SLC6A9: variants seen among roughly 807,000 people sequenced by gnomAD.
SLC6A9 encodes sodium- and chloride-dependent glycine transporter 1.
Under a neutral mutation model 70.9 loss-of-function variants are expected in SLC6A9, and 31 were observed. The observed-to-expected ratio is 0.44, with a 90% CI of 0.33 to 0.59. The LOEUF is 0.59. Among genes scored for constraint, SLC6A9 ranks in the 20% least tolerant of loss-of-function variants. The pLI, the probability that SLC6A9 is intolerant of heterozygous loss-of-function variation, is 0.04. For synonymous variants in SLC6A9, 310 were observed against 341.3 expected, an observed-to-expected ratio of 0.91 and a Z score of 1.01; for missense variants, 631 against 845.2, an observed-to-expected ratio of 0.75 and a Z score of 3.14.
intron 2 of SLC6A9, among the ~76,000 whole-genome samples, chr1:44,014,396 G>A (rs1405745215): frequency 6.6e-6 from 1 of 151,988 alleles, no homozygotes. Flanking sequence ...AGCCATGGAA[G>A]GAATGGAGGC....
Position 43,997,803 on chromosome 1 carries a change from C to A in SLC6A9, c.1707+52G>T. 5 of 1,587,662 alleles carry A rather than the reference C, an allele frequency of 3.1e-6. No individual in the cohort carries two copies. The highest frequency in any genetic ancestry group is 4.3e-6 in the Non-Finnish European group (5 of 1,164,234). On this transcript the variant is annotated intron_variant, in intron 13 of 13. Transcript: ENST00000372310. The surrounding 1 kb of genome is among the most constrained non-coding windows in gnomAD (Gnocchi z 4.4). ...TCAGGAGGGAGCCCTTAAGCCCCTT[C>A]CAGCTGGCCCCTCCCATTTTGCCTG...
chr1:44,023,104 ACT>A (rs2086917001), intron 2 of SLC6A9, among the ~76,000 whole-genome samples: 1 of 151,744 alleles, frequency 6.6e-6, no homozygotes, highest in Admixed American at 6.6e-5. Flanking sequence ...CAGGCCAATG[ACT>A]CTTTCACTAA....
chr1:44,026,435 G>A (rs1156636664), intron 1 of SLC6A9, among the ~76,000 whole-genome samples: 1 of 152,162 alleles, frequency 6.6e-6, no homozygotes, highest in Non-Finnish European at 1.5e-5. Flanking sequence ...GAGGCGGGCG[G>A]ATCACCTGAG....
In SLC6A9 at chr1:44,001,688, T is replaced by A. The variant is rs888564076; in HGVS notation, c.963-61A>T. ...CCCCAATTTGGGCCAAGAGGAGACA[T>A]GGAGACACGGAAAGTTCTAGGTACA... On this transcript the variant is annotated intron_variant, in intron 8 of 13. Coordinates refer to ENST00000372310, the MANE Select transcript of SLC6A9 (RefSeq NM_001024845.3). 1.1e-5 allele frequency: 15 copies of A among 1,325,444 alleles called. No homozygotes were observed. In the South Asian group the frequency reaches 1.8e-4, roughly 16 times the overall value. 82.1% of individuals were successfully genotyped at this position (1,325,444 alleles called of 1,614,324 possible). A position where few individuals can be genotyped will look rare whatever the true frequency, so the allele number is the denominator to read the frequency against.
intron 1 of SLC6A9, among the ~76,000 whole-genome samples, chr1:44,026,092 T>G (rs1306032436): frequency 6.6e-6 from 1 of 152,226 alleles, no homozygotes; most frequent in Non-Finnish European, 1.5e-5. Flanking sequence ...GAGCTTCTCT[T>G]CAGGGCAGGG....
rs1265817857 is a variant in SLC6A9 at position 44,010,746 on chromosome 1, A to G, written c.167T>C (p.Leu56Pro). 1.2e-6 allele frequency: 2 copies of G among 1,614,000 alleles called. No homozygotes were observed. Among genetic ancestry groups the G allele is most frequent in the African/African-American group, 2.7e-5 (2 of 74,914 alleles). ...GGTACCTCCCCCGTTGCGATAGCAG[A>G]GGTATGGGAAGCGCCAGACATTGCC... Reference protein sequence around the residue: ...GLGNVWRFPYLCYRNGGGAFM... With the variant: ...GLGNVWRFPYPCYRNGGGAFM... The change falls in exon 3 of 14, where the codon CTC becomes CCC. Residue 56 changes from leucine (L) to proline (P), a missense_variant. Physicochemically the swap from Leu to Pro is moderately conservative, Grantham distance 98. Transcript: ENST00000372310.
intron 2 of SLC6A9, among the ~76,000 whole-genome samples, chr1:44,023,306 G>C (rs929615515): frequency 1.3e-5 from 2 of 152,042 alleles, no homozygotes; most frequent in Non-Finnish European, 2.9e-5. Context: ...TCTTGCTTCT[G>C]GTGCTGACCT....
In SLC6A9 at chr1:44,024,448, C is replaced by T. The variant is rs1434571671; in HGVS notation, c.-85-86G>A. 8.3e-6 allele frequency: 6 copies of T among 724,436 alleles called. No homozygotes were observed. In the East Asian group the frequency reaches 1.6e-4, roughly 19 times the overall value. 44.9% of individuals were successfully genotyped at this position (724,436 alleles called of 1,614,324 possible). Reference sequence around the variant, plus strand: ...ACAGGTAGTGCCGAGCCACCCACCACCAGCCTGCCCAGGCCCTCTGCCAGG... The same window carrying T: ...ACAGGTAGTGCCGAGCCACCCACCATCAGCCTGCCCAGGCCCTCTGCCAGG... On this transcript the variant is annotated intron_variant, in intron 1 of 13. Transcript: ENST00000372310.
At chr1:44,005,669 C>G (rs1470291904) in intron 5 of SLC6A9, among the ~76,000 whole-genome samples, 1 of 152,234 alleles carries the variant, frequency 6.6e-6, no homozygotes, top group African/African-American at 2.4e-5. Context: ...TCCTTAACCT[C>G]TAAACGGCAG....
rs1311944807 is a variant in SLC6A9, at chr1:43,997,142, GCC to G, written c.*401_*402del. 1 of 218,668 alleles carries G rather than the reference GCC, an allele frequency of 4.6e-6. No homozygotes were observed. Among genetic ancestry groups the G allele is most frequent in the South Asian group, 7.5e-5 (1 of 13,376 alleles). 13.5% of individuals were successfully genotyped at this position (218,668 alleles called of 1,614,324 possible). On this transcript the variant is annotated 3_prime_UTR_variant, in exon 14 of 14. Transcript: ENST00000372310. The surrounding 1 kb of genome is among the most constrained non-coding windows in gnomAD (Gnocchi z 4.4). ...CCCCTAGGGAGGAATAGCCAAATGT[GCC>G]TGGCAGAGGCTGGGGTCGGCTCTGA...
intron 5 of SLC6A9, among the ~76,000 whole-genome samples, chr1:44,004,545 C>G (rs2086244106): frequency 1.3e-5 from 2 of 151,910 alleles, no homozygotes; most frequent in African/African-American, 4.8e-5. Flanking sequence ...ATGGTATCGC[C>G]ATATTGCCCA....
chr1:43,998,559 C>T (rs2085969094), intron 12 of SLC6A9, among the ~76,000 whole-genome samples: 1 of 152,200 alleles, frequency 6.6e-6, no homozygotes. Context: ...TCCTCCATTT[C>T]CTTCTGCAGG....
At chr1:44,010,514 C>T (rs969133932) in intron 3 of SLC6A9, 1 of 386,396 alleles carries the variant, frequency 2.6e-6, no homozygotes, top group East Asian at 4.5e-5. Context: ...AGGGGGCCAA[C>T]TGGCAGGGCC....
chr1:44,007,769 G>A (rs1012284318), intron 5 of SLC6A9, among the ~76,000 whole-genome samples: 4 of 152,052 alleles, frequency 2.6e-5, no homozygotes, highest in Non-Finnish European at 5.9e-5. Flanking sequence ...TTCTCCCCAG[G>A]ATCTGCCCCC....
At chr1:44,020,672 C>T (rs755043111) in intron 2 of SLC6A9, among the ~76,000 whole-genome samples, 1 of 152,204 alleles carries the variant, frequency 6.6e-6, no homozygotes, top group African/African-American at 2.4e-5. Flanking sequence ...CAATAATGCA[C>T]CAAGCCTGCA....
At chr1:44,021,410 T>A (rs1433141779) in intron 2 of SLC6A9, among the ~76,000 whole-genome samples, 1 of 152,194 alleles carries the variant, frequency 6.6e-6, no homozygotes, top group African/African-American at 2.4e-5. Context: ...CCTGGGCACG[T>A]GCTGGTAAGC....
chr1:44,009,942 C>T (rs200444623), intron 4 of SLC6A9, 23 bp downstream of exon 4: 12 of 1,610,804 alleles, frequency 7.4e-6, no homozygotes, highest in Admixed American at 1.7e-5. Flanking sequence ...TATGTGTGAG[C>T]GAGTGCCCCG....
chr1:44,009,254 C>T (rs1168910574), intron 4 of SLC6A9, among the ~76,000 whole-genome samples: 2 of 146,650 alleles, frequency 1.4e-5, no homozygotes, highest in Non-Finnish European at 3.0e-5. Flanking sequence ...GAGTCTCCCT[C>T]TGTCGCCCAG....
rs145104753 is a variant in SLC6A9, at chr1:44,024,284, G to T, written c.-7C>A. 2 of 1,614,176 alleles carry T rather than the reference G, an allele frequency of 1.2e-6. No homozygotes were observed. The highest frequency in any genetic ancestry group is 2.7e-5 in the African/African-American group (2 of 75,072). On this transcript the variant is annotated 5_prime_UTR_variant, in exon 2 of 14. Transcript: ENST00000372310. The stretch of plus-strand genomic sequence containing the variant: ...TGGCACCTTTTCCTACCATGGCGGC[G>T]GTGGGTTGGGGCTCTGGTGACGGGG...
Sources: allele counts gnomAD v4.1 joint callset (sites outside exome capture counted in the v4.1 genomes callset), GRCh38; gene constraint gnomAD v4.1.1; non-coding constraint Gnocchi (gnomAD v3.1); transcripts MANE v1.5; gene names NCBI Gene and HGNC (gene_info 2026-07-23, HGNC 2026-07-21).